BICRA: variants seen among roughly 807,000 people sequenced by gnomAD.
BICRA encodes BRD4 interacting chromatin remodeling complex associated protein, also known as BRD4-interacting chromatin-remodeling complex-associated protein.
Under a neutral mutation model 96.9 loss-of-function variants are expected in BICRA, and 31 were observed. That is an observed-to-expected ratio of 0.32 (90% CI 0.24 to 0.43). The LOEUF (loss-of-function observed/expected upper bound fraction) is 0.43. Ranked by LOEUF, BICRA falls within the 20% of genes least tolerant of loss-of-function variation. The pLI, the probability that BICRA is intolerant of heterozygous loss-of-function variation, is 1.00. For synonymous variants in BICRA, 1,350 were observed against 1,071.8 expected, an observed-to-expected ratio of 1.26 and a Z score of -5.07; for missense variants, 2,283 against 2,190.3, an observed-to-expected ratio of 1.04 and a Z score of -0.84.
chr19:47,692,635 C>T (rs1225813961), intron 7 of BICRA, among the ~76,000 whole-genome samples: 3 of 152,204 alleles, frequency 2.0e-5, no homozygotes, highest in Non-Finnish European at 2.9e-5. Flanking sequence ...TCCCACCAGC[C>T]GTACACAGCG....
intron 1 of BICRA, among the ~76,000 whole-genome samples, chr19:47,635,592 G>T (rs1251882176): frequency 6.6e-6 from 1 of 151,994 alleles, no homozygotes; most frequent in East Asian, 1.9e-4. Flanking sequence ...CTCGATACCT[G>T]TTGAACAATA....
chr19:47,643,488 A>G (rs557608186), intron 1 of BICRA, among the ~76,000 whole-genome samples: 1 of 152,224 alleles, frequency 6.6e-6, no homozygotes, highest in African/African-American at 2.4e-5. Context: ...GCATCCAGCC[A>G]TGACCATCCC....
chr19:47,609,891 C>T (rs1377554257), intron 1 of BICRA, among the ~76,000 whole-genome samples: 1 of 152,168 alleles, frequency 6.6e-6, no homozygotes, highest in Non-Finnish European at 1.5e-5. Context: ...TGACCCCCAG[C>T]CCCCGGCAAT....
chr19:47,647,985 C>A (rs1014969557), intron 1 of BICRA, among the ~76,000 whole-genome samples: 2 of 152,110 alleles, frequency 1.3e-5, no homozygotes, highest in African/African-American at 4.8e-5. Flanking sequence ...TGGGCGGGAA[C>A]TACTGGTGTA....
intron 1 of BICRA, among the ~76,000 whole-genome samples, chr19:47,632,586 C>G (rs145473560): frequency 6.6e-6 from 1 of 152,300 alleles, no homozygotes; most frequent in East Asian, 1.9e-4. Context: ...GGACTGGGAA[C>G]CGCACGTGTG....
chr19:47,626,302 G>A (rs1273759608), intron 1 of BICRA: 1 of 152,294 alleles, frequency 6.6e-6, no homozygotes, highest in Non-Finnish European at 1.5e-5. Flanking sequence ...GAGCGATTAA[G>A]TGACTTGCCC....
At chr19:47,647,932 T>G (rs1972485244) in intron 1 of BICRA, among the ~76,000 whole-genome samples, 2 of 150,740 alleles carry the variant, frequency 1.3e-5, no homozygotes, top group Admixed American at 6.6e-5. Context: ...TGCCCTGGCA[T>G]TTGGGGTTGT....
intron 1 of BICRA, among the ~76,000 whole-genome samples, chr19:47,650,789 A>C (rs1972528884): frequency 6.6e-6 from 1 of 152,016 alleles, no homozygotes; most frequent in African/African-American, 2.4e-5. Context: ...CATTAGAGGG[A>C]AATGGGCTTC....
At position 47,696,661 on chromosome 19, in the gene BICRA, C is replaced by T. The variant is rs1015870720; in HGVS notation, c.3248+149C>T. ...GTAGCGATGTAGTTCCCTCATAGAC[C>T]CTCAGTTTCCCCCTCTGGAAAATGG... On this transcript the variant is annotated intron_variant, in intron 11 of 14. Coordinates refer to ENST00000594866, the MANE Select transcript of BICRA (RefSeq NM_001394372.1). 1.8e-4 allele frequency: 125 copies of T among 677,636 alleles called. No individual in the cohort carries two copies. The African/African-American group carries it at 2.0e-3, about 11-fold the overall frequency. 42.0% of individuals were successfully genotyped at this position (677,636 alleles called of 1,614,324 possible).
rs761873470 is a variant in BICRA, at chr19:47,702,163, C to G, written c.4431C>G (p.Ser1477=). The change falls in exon 15 of 15, where the codon TCC becomes TCG. Residue 1477 remains serine (S), a synonymous_variant. Transcript: ENST00000594866. ...PGLPPAKRRK[S]ESPDVDQASF... ...TGCCCCCTGCCAAGCGGCGCAAGTCCGAGTCGCCCGACGTGGACCAGGCCA... is the reference window on the plus strand; with the variant it reads ...TGCCCCCTGCCAAGCGGCGCAAGTCGGAGTCGCCCGACGTGGACCAGGCCA... The G allele has an allele frequency of 1.1e-5, 17 of 1,567,896 alleles. No individual in the cohort carries two copies. In the South Asian group the frequency reaches 1.5e-4, roughly 14 times the overall value.
At chr19:47,679,054 C>T in intron 5 of BICRA, 1 of 318,482 alleles carries the variant, frequency 3.1e-6, no homozygotes. Flanking sequence ...GCACATGCTG[C>T]CACCCCTGAC....
intron 1 of BICRA, among the ~76,000 whole-genome samples, chr19:47,659,918 T>A (rs1350211583): frequency 6.6e-6 from 1 of 152,040 alleles, no homozygotes; most frequent in Admixed American, 6.6e-5. Context: ...CCTGGCTAAT[T>A]TGTAAAATTT....
chr19:47,610,250 C>T (rs942514492), intron 1 of BICRA, among the ~76,000 whole-genome samples: 4 of 152,184 alleles, frequency 2.6e-5, no homozygotes, highest in Non-Finnish European at 5.9e-5. Context: ...CCCTGGCTGC[C>T]CCTCGTCTGC....
intron 6 of BICRA, 95 bp downstream of exon 6, chr19:47,681,371 G>A: frequency 9.1e-7 from 1 of 1,102,948 alleles, no homozygotes; most frequent in Non-Finnish European, 1.3e-6. Context: ...AAAAGTGGAT[G>A]CCACTGTGGC....
chr19:47,624,242 TCTTGCCTTTCA>T (rs1318379002), intron 1 of BICRA, among the ~76,000 whole-genome samples: 1 of 151,986 alleles, frequency 6.6e-6, no homozygotes, highest in African/African-American at 2.4e-5. Flanking sequence ...ACCCTTTTCA[TCTTGCCTTTCA>T]CTCACCAAGC....
chr19:47,642,079 G>C (rs1972393261), intron 1 of BICRA, among the ~76,000 whole-genome samples: 2 of 152,196 alleles, frequency 1.3e-5, no homozygotes, highest in Non-Finnish European at 2.9e-5. Flanking sequence ...CTGTTCTAGA[G>C]TTTGACATAA....
At chr19:47,688,849 GTCTC>G (rs147430958) in intron 7 of BICRA, among the ~76,000 whole-genome samples, 1 of 150,552 alleles carries the variant, frequency 6.6e-6, no homozygotes, top group Admixed American at 6.6e-5. Context: ...TTGAGACAGA[GTCTC>G]TCTCTCTCTC....
rs552229568 is a variant in BICRA at position 47,651,382 on chromosome 19, C to T, written c.-107-19061C>T. Among the ~76,000 whole-genome samples the T allele has an allele frequency of 2.6e-5, 4 of 152,250 alleles. No individual in the cohort carries two copies. The South Asian group carries it at 8.3e-4, about 32-fold the overall frequency. On this transcript the variant is annotated intron_variant, in intron 1 of 14. Coordinates refer to ENST00000594866, the MANE Select transcript of BICRA (RefSeq NM_001394372.1). Reference sequence around the variant, plus strand: ...AGGACCATTGCATGTCCTCCTCCTTCTGCCTGGAGCCCGCTCTCCTGGGGT... The same window carrying T: ...AGGACCATTGCATGTCCTCCTCCTTTTGCCTGGAGCCCGCTCTCCTGGGGT...
At chr19:47,629,360 C>T (rs1334764924) in intron 1 of BICRA, among the ~76,000 whole-genome samples, 3 of 152,190 alleles carry the variant, frequency 2.0e-5, no homozygotes, top group Non-Finnish European at 2.9e-5. Flanking sequence ...CCCTAGTAGC[C>T]TCCATTCAAC....
Sources: allele counts gnomAD v4.1 joint callset (sites outside exome capture counted in the v4.1 genomes callset), GRCh38; gene constraint gnomAD v4.1.1; transcripts MANE v1.5; gene names NCBI Gene and HGNC (gene_info 2026-07-23, HGNC 2026-07-21).